The following TMX2 variants were observed in gnomAD, a reference collection of about 807,000 sequenced individuals.
TMX2 encodes the protein thioredoxin related transmembrane protein 2.
In TMX2, 20 loss-of-function variants were observed where a neutral mutation model predicts 33.4. The ratio of observed to expected loss-of-function variants is 0.60; its 90% CI spans 0.42 to 0.87. The LOEUF (loss-of-function observed/expected upper bound fraction) is 0.87. Among genes scored for constraint, TMX2 ranks in the 40% least tolerant of loss-of-function variants. The pLI, the probability that TMX2 is intolerant of heterozygous loss-of-function variation, is 0.00. For synonymous variants in TMX2, 166 were observed against 140.7 expected (o/e 1.18, Z -1.27); for missense variants, 340 against 370.7 (o/e 0.92, Z 0.68).
At chr11:57,736,898 A>T in intron 1 of TMX2, among the ~76,000 whole-genome samples, 1 of 151,442 alleles carries the variant, frequency 6.6e-6, no homozygotes, top group Non-Finnish European at 1.5e-5. Context: ...AAAAAAAAAA[A>T]ATTAAACATG....
chr11:57,728,848 C>T (rs973393593), intron 1 of TMX2, among the ~76,000 whole-genome samples: 12 of 151,978 alleles, frequency 7.9e-5, no homozygotes, highest in Admixed American at 6.6e-4. Context: ...ACCCCCAAGA[C>T]GTACAGCGGC....
At position 57,712,663 on chromosome 11, in the gene TMX2, G is replaced by A. The variant is rs148794094; in HGVS notation, c.45G>A (p.Pro15=). 3.8e-5 allele frequency: 61 copies of A among 1,614,060 alleles called. No individual in the cohort carries two copies. Among genetic ancestry groups the A allele is most frequent in the Middle Eastern group, 1.6e-4 (1 of 6,084 alleles). ...TAATTGCTCTCGTGTATTCGGTGCC[G>A]CGACTTTCACGATGGCTCGCCCAAC... ...APLIALVYSV[P]RLSRWLAQPY... Residue 15 remains proline (P), a synonymous_variant, in exon 1 of 8, where the codon CCG becomes CCA. Transcript: ENST00000278422.
rs367743192 is a variant in TMX2 at position 57,737,660 on chromosome 11, G to T, written c.242G>T (p.Arg81Leu). Reference sequence around the variant, plus strand: ...AGTGCCATTGTGATGATGAAGAACCGCAGATCCAGTAAGTTTAGTTCACTT... The same window carrying T: ...AGTGCCATTGTGATGATGAAGAACCTCAGATCCAGTAAGTTTAGTTCACTT... ...FLSAIVMMKN[R>L]RSITVEQHIG... The change falls in exon 2 of 8, where the codon CGC becomes CTC. Residue 81 changes from arginine to leucine, a missense_variant. Arg to Leu is a moderately radical substitution (Grantham distance 102). Around this residue, in one of 3 missense-constraint regions of TMX2, gnomAD observed 25 missense variants for 46.5 expected, o/e 0.54. Coordinates refer to ENST00000278422, the MANE Select transcript of TMX2 (RefSeq NM_015959.4). The T allele has an allele frequency of 3.1e-6, 5 of 1,613,874 alleles. No individual in the cohort carries two copies. Among genetic ancestry groups the T allele is most frequent in the Non-Finnish European group, 3.4e-6 (4 of 1,179,740 alleles).
chr11:57,716,396 A>AC (rs1229625918), intron 1 of TMX2, among the ~76,000 whole-genome samples: 2 of 58,880 alleles, frequency 3.4e-5, no homozygotes, highest in African/African-American at 6.2e-5. Flanking sequence ...CGAGGGGCTG[A>AC]CCCCCCCACC....
At chr11:57,714,458 A>G (rs1241149816) in intron 1 of TMX2, among the ~76,000 whole-genome samples, 1 of 152,212 alleles carries the variant, frequency 6.6e-6, no homozygotes, top group African/African-American at 2.4e-5. Flanking sequence ...GGGAAGATTA[A>G]TAGCAATCTA....
chr11:57,721,341 T>G (rs368277679), intron 1 of TMX2, among the ~76,000 whole-genome samples: 2 of 135,526 alleles, frequency 1.5e-5, no homozygotes, highest in Non-Finnish European at 3.1e-5. Flanking sequence ...AATAAATAAA[T>G]AAAGTTTTTT....
rs1217792662 is a variant in TMX2, at chr11:57,739,231, G to A, written c.715G>A (p.Gly239Arg). ...GCGGCGGCCACAGATTGACAAGAAA[G>A]GACGGGCTGTCTCATGGACCTTCTC... ...AMRRPQIDKKGRAVSWTFSEE... is the reference protein window; with the variant it reads ...AMRRPQIDKKRRAVSWTFSEE... Residue 239 changes from glycine (G) to arginine (R), a missense_variant, in exon 7 of 8, where the codon GGA becomes AGA. Physicochemically the swap from Gly to Arg is moderately radical, Grantham distance 125. Around this residue, in one of 3 missense-constraint regions of TMX2, gnomAD observed 209 missense variants for 241.6 expected, o/e 0.87. Transcript: ENST00000278422. 6.2e-7 allele frequency: 1 copy of A among 1,614,110 alleles called. No individual in the cohort carries two copies.
chr11:57,714,231 G>A (rs1057336771), intron 1 of TMX2, among the ~76,000 whole-genome samples: 1 of 152,184 alleles, frequency 6.6e-6, no homozygotes, highest in Non-Finnish European at 1.5e-5. Flanking sequence ...CATTAAACCA[G>A]CCTCTCATTT....
intron 1 of TMX2, among the ~76,000 whole-genome samples, chr11:57,724,654 A>T (rs1239982111): frequency 6.6e-6 from 1 of 152,070 alleles, no homozygotes; most frequent in East Asian, 1.9e-4. Context: ...ACATAAAAAC[A>T]TACAGGTTAA....
chr11:57,720,317 C>A (rs566412750), intron 1 of TMX2, among the ~76,000 whole-genome samples: 3 of 152,146 alleles, frequency 2.0e-5, no homozygotes, highest in African/African-American at 7.2e-5. Flanking sequence ...ATGTATATGT[C>A]TATACATGTG....
At chr11:57,715,109 A>G (rs1304694508) in intron 1 of TMX2, among the ~76,000 whole-genome samples, 3 of 152,184 alleles carry the variant, frequency 2.0e-5, no homozygotes, top group African/African-American at 7.2e-5. Context: ...CCTTGAAAAT[A>G]AGACACTTGG....
intron 1 of TMX2, among the ~76,000 whole-genome samples, chr11:57,731,323 G>A (rs1443409515): frequency 2.6e-5 from 4 of 151,010 alleles, no homozygotes; most frequent in Non-Finnish European, 4.4e-5. Flanking sequence ...TAGTAGAGAC[G>A]GAGTTTTGCC....
chr11:57,725,474 C>G (rs888411215), intron 1 of TMX2, among the ~76,000 whole-genome samples: 1 of 152,146 alleles, frequency 6.6e-6, no homozygotes, highest in African/African-American at 2.4e-5. Flanking sequence ...AGGTGGCTCA[C>G]GCTTGTAATC....
intron 1 of TMX2, among the ~76,000 whole-genome samples, chr11:57,720,167 C>T (rs901666905): frequency 4.0e-5 from 6 of 150,288 alleles, no homozygotes; most frequent in Non-Finnish European, 8.9e-5. Flanking sequence ...GCCACTGACC[C>T]TCTCTTTTGG....
At chr11:57,719,257 G>A (rs758782815) in intron 1 of TMX2, among the ~76,000 whole-genome samples, 3 of 148,980 alleles carry the variant, frequency 2.0e-5, no homozygotes, top group African/African-American at 7.4e-5. Context: ...GGATGGTCTC[G>A]ATCTCCTGAA....
intron 1 of TMX2, among the ~76,000 whole-genome samples, chr11:57,715,171 G>A (rs1309259922): frequency 1.4e-4 from 21 of 152,156 alleles, no homozygotes; most frequent in Non-Finnish European, 2.8e-4. Context: ...AGGCTGAGGC[G>A]GGTGGATTTC....
At chr11:57,724,273 A>G (rs1253572943) in intron 1 of TMX2, among the ~76,000 whole-genome samples, 24 of 152,302 alleles carry the variant, frequency 1.6e-4, no homozygotes, top group Non-Finnish European at 1.6e-4. Context: ...TAATGCCATT[A>G]TAAGGTCTCT....
At chr11:57,734,199 G>C (rs1166603985) in intron 1 of TMX2, among the ~76,000 whole-genome samples, 1 of 144,542 alleles carries the variant, frequency 6.9e-6, no homozygotes, top group Non-Finnish European at 1.5e-5. Context: ...GACTGCAAGG[G>C]CACACACTTT....
intron 5 of TMX2, 102 bp downstream of exon 5, chr11:57,738,872 G>T: frequency 6.6e-7 from 1 of 1,524,984 alleles, no homozygotes; most frequent in Non-Finnish European, 9.1e-7. Flanking sequence ...TTTCACACAT[G>T]GTAACCAAAG....
Sources: allele counts gnomAD v4.1 joint callset (sites outside exome capture counted in the v4.1 genomes callset), GRCh38; gene constraint gnomAD v4.1.1; regional missense constraint gnomAD v4.1.1; transcripts MANE v1.5; gene names NCBI Gene and HGNC (gene_info 2026-07-23, HGNC 2026-07-21).